Variants in ZIC4 observed in about 807,000 individuals in gnomAD.
The protein encoded by ZIC4 is zinc finger protein ZIC 4.
A neutral mutation model predicts 28.8 loss-of-function variants in ZIC4; 15 were observed. The observed-to-expected ratio is 0.52, with a 90% CI of 0.35 to 0.80. ZIC4 has a LOEUF of 0.80. Among genes scored for constraint, ZIC4 ranks in the 30% least tolerant of loss-of-function variants. The pLI is 0.01. For synonymous variants in ZIC4, 220 were observed against 198.1 expected, an observed-to-expected ratio of 1.11 and a Z score of -0.93; for missense variants, 512 against 467.1, an observed-to-expected ratio of 1.10 and a Z score of -0.89.
intron 3 of ZIC4, chr3:147,391,734 C>T (rs924785124): frequency 1.3e-5 from 2 of 152,832 alleles, no homozygotes; most frequent in African/African-American, 4.9e-5. Flanking sequence ...CACCCACCCC[C>T]ATCCTGGCCC....
Position 147,386,733 on chromosome 3 carries a change from C to T in ZIC4, c.*2126G>A, listed in dbSNP as rs2107955738. 6.6e-6 allele frequency: 1 copy of T among 152,344 alleles called. No individual in the cohort carries two copies. Among genetic ancestry groups the T allele is most frequent in the Admixed American group, 6.5e-5 (1 of 15,306 alleles). The allele number at this position is 152,344 out of a possible 1,614,324, so 9.4% of individuals were successfully genotyped here. A position where few individuals can be genotyped will look rare whatever the true frequency, so the allele number is the denominator to read the frequency against. On this transcript the variant is annotated 3_prime_UTR_variant, in exon 5 of 5. Transcript: ENST00000383075. ...GAAGGGAAGGATGGGCATTTACATG[C>T]ATTTTCGATCACTGTGTTGTAGACC...
chr3:147,392,790 T>C (rs2086954528), intron 3 of ZIC4: 1 of 152,130 alleles, frequency 6.6e-6, no homozygotes. Flanking sequence ...TGAGCCCGGG[T>C]CTCCGGCACC....
intron 1 of ZIC4, chr3:147,403,842 ATCTC>A (rs142316820): frequency 4.7e-4 from 425 of 907,498 alleles, no homozygotes; most frequent in Middle Eastern, 6.6e-4. Flanking sequence ...ATGCACAAAG[ATCTC>A]TCTCTCTCTC....
Position 147,386,506 on chromosome 3 carries a change from C to T in ZIC4, c.*2353G>A, listed in dbSNP as rs1220544634. ...CAATATCAGGAAGAACATTTTGCAG[C>T]AACTATAATAACAGCATGGGTTACA... On this transcript the variant is annotated 3_prime_UTR_variant, in exon 5 of 5. Transcript: ENST00000383075. The T allele has an allele frequency of 6.6e-6, 1 of 152,608 alleles. No homozygotes were observed. The highest frequency in any genetic ancestry group is 1.5e-5 in the Non-Finnish European group (1 of 68,028). 9.5% of individuals were successfully genotyped at this position (152,608 alleles called of 1,614,324 possible). A position where few individuals can be genotyped will look rare whatever the true frequency, so the allele number is the denominator to read the frequency against.
chr3:147,391,533 G>C (rs1467879715), intron 3 of ZIC4: 3 of 326,778 alleles, frequency 9.2e-6, no homozygotes, highest in Non-Finnish European at 1.1e-5. Flanking sequence ...TTCCATCCTC[G>C]AAAATCCTGA....
chr3:147,402,489 A>G (rs1420496182), intron 2 of ZIC4, among the ~76,000 whole-genome samples: 1 of 152,192 alleles, frequency 6.6e-6, no homozygotes, highest in Non-Finnish European at 1.5e-5. Flanking sequence ...GAACGTCCAG[A>G]TGAGTAGGCA....
chr3:147,391,386 G>A lies in ZIC4; in HGVS notation c.689-140C>T. ...GAAATCCCTTTCCACGGCGCCTCAG[G>A]TCGAGCACCCCTTTCCCTCGTGCAG... On this transcript the variant is annotated intron_variant, in intron 3 of 4. Transcript: ENST00000383075. 5 of 1,131,448 alleles carry A rather than the reference G, an allele frequency of 4.4e-6. No individual in the cohort carries two copies. The South Asian group carries it at 8.3e-5, about 19-fold the overall frequency. 70.1% of individuals were successfully genotyped at this position (1,131,448 alleles called of 1,614,324 possible). A position where few individuals can be genotyped will look rare whatever the true frequency, so the allele number is the denominator to read the frequency against.
chr3:147,392,117 C>A, intron 3 of ZIC4: 1 of 985,640 alleles, frequency 1.0e-6, no homozygotes, highest in Non-Finnish European at 1.2e-6. Context: ...CCCAGACCAC[C>A]CCCACCTGGC....
At chr3:147,397,925 C>G (rs766031566) in intron 2 of ZIC4, among the ~76,000 whole-genome samples, 4 of 152,122 alleles carry the variant, frequency 2.6e-5, no homozygotes, top group African/African-American at 9.7e-5. Flanking sequence ...TCTATACTCT[C>G]TTCCCATTTA....
In ZIC4 at chr3:147,402,649, T is replaced by A. The variant is rs1394355941; in HGVS notation, c.70+79A>T. Reference sequence around the variant, plus strand: ...ACATAAACAAAAGACAAAACAAAACTTCCTACTTAAAAAAAAAAAAGAAGA... The same window carrying A: ...ACATAAACAAAAGACAAAACAAAACATCCTACTTAAAAAAAAAAAAGAAGA... On this transcript the variant is annotated intron_variant, in intron 2 of 4. Transcript: ENST00000383075. 16 of 1,338,112 alleles carry A rather than the reference T, an allele frequency of 1.2e-5. No individual in the cohort carries two copies. In the East Asian group the frequency reaches 3.3e-4, roughly 27 times the overall value. The allele number at this position is 1,338,112 out of a possible 1,614,324, so 82.9% of individuals were successfully genotyped here.
At position 147,386,864 on chromosome 3, in the gene ZIC4, G is replaced by C. The variant is rs1339210867; in HGVS notation, c.*1995C>G. The stretch of plus-strand genomic sequence containing the variant: ...TTCTTATTAACGGCAGAAAGGGCTT[G>C]TTGATTGCTGCTAGTGAGAAGAAAC... On this transcript the variant is annotated 3_prime_UTR_variant, in exon 5 of 5. Transcript: ENST00000383075. The C allele has an allele frequency of 6.6e-6, 1 of 152,240 alleles. No homozygotes were observed. The highest frequency in any genetic ancestry group is 1.5e-5 in the Non-Finnish European group (1 of 68,038). The allele number at this position is 152,240 out of a possible 1,614,324, so 9.4% of individuals were successfully genotyped here.
At chr3:147,402,657 T>TA (rs878857182) in intron 2 of ZIC4, 71 bp downstream of exon 2, 71,617 of 1,060,684 alleles carry the variant, frequency 0.068, 4 homozygotes, top group East Asian at 0.088. Context: ...ACTTCCTACT[T>TA]AAAAAAAAAA....
At chr3:147,399,663 A>AT (rs34229132) in intron 2 of ZIC4, among the ~76,000 whole-genome samples, 8,677 of 127,978 alleles carry the variant, frequency 0.068, 400 homozygotes, top group Non-Finnish European at 0.087. Context: ...AAAAACACGG[A>AT]TTTTTTTTTT....
rs539652291 is a variant in ZIC4, at chr3:147,389,964, G to A, written c.1004+967C>T. Among the ~76,000 whole-genome samples the A allele has an allele frequency of 2.0e-5, 3 of 152,260 alleles. No individual in the cohort carries two copies. The South Asian group carries it at 6.2e-4, about 32-fold the overall frequency. On this transcript the variant is annotated intron_variant, in intron 4 of 4. Transcript: ENST00000383075. ...GCACCTACAAGACTACACAGGCAACGCCTCTACAGGGGTTGGGGTGGGAAA... is the reference window on the plus strand; with the variant it reads ...GCACCTACAAGACTACACAGGCAACACCTCTACAGGGGTTGGGGTGGGAAA...
rs1229583386 is a variant in ZIC4, at chr3:147,386,972, A to G, written c.*1887T>C. 2 of 152,208 alleles carry G rather than the reference A, an allele frequency of 1.3e-5. No individual in the cohort carries two copies. Among genetic ancestry groups the G allele is most frequent in the African/African-American group, 4.8e-5 (2 of 41,460 alleles). The allele number at this position is 152,208 out of a possible 1,614,324, so 9.4% of individuals were successfully genotyped here. A position where few individuals can be genotyped will look rare whatever the true frequency, so the allele number is the denominator to read the frequency against. On this transcript the variant is annotated 3_prime_UTR_variant, in exon 5 of 5. Transcript: ENST00000383075. The stretch of plus-strand genomic sequence containing the variant: ...TTGCTTGGCTGCATTCTTAAGTTCC[A>G]AGGATCCTGGGCAAGAATATTAGGA...
At chr3:147,395,767 C>G in intron 3 of ZIC4, 85 bp downstream of exon 3, 1 of 1,525,136 alleles carries the variant, frequency 6.6e-7, no homozygotes, top group Non-Finnish European at 8.8e-7. Flanking sequence ...TTCCCCCTCC[C>G]CTCAGTTGGG....
Position 147,388,900 on chromosome 3 carries a change from G to A in ZIC4, c.*-41C>T, listed in dbSNP as rs767006976. ...GAAAAATTAAAGGCGATTAGTGGCC[G>A]ACCAAACATTTTGTTTTATTTCATT... is the stretch of plus-strand genomic sequence containing the variant. On this transcript the variant is annotated intron_variant, in intron 4 of 4. Transcript: ENST00000383075. The A allele has an allele frequency of 7.7e-6, 6 of 778,104 alleles. No individual in the cohort carries two copies. In the Admixed American group the frequency reaches 8.6e-5, roughly 11 times the overall value. The allele number at this position is 778,104 out of a possible 1,614,324, so 48.2% of individuals were successfully genotyped here. A position where few individuals can be genotyped will look rare whatever the true frequency, so the allele number is the denominator to read the frequency against.
At chr3:147,400,052 G>T (rs139622702) in intron 2 of ZIC4, among the ~76,000 whole-genome samples, 168 of 152,294 alleles carry the variant, frequency 1.1e-3, no homozygotes, top group South Asian at 3.5e-3. Flanking sequence ...GGGGTTTTTA[G>T]TTGTTTCAGG....
rs1023587652 is a variant in ZIC4, at chr3:147,386,459, A to G, written c.*2400T>C. The G allele has an allele frequency of 7.2e-5, 11 of 152,786 alleles. No individual in the cohort carries two copies. The highest frequency in any genetic ancestry group is 2.4e-4 in the African/African-American group (10 of 41,572). The allele number at this position is 152,786 out of a possible 1,614,324, so 9.5% of individuals were successfully genotyped here. On this transcript the variant is annotated 3_prime_UTR_variant, in exon 5 of 5. Coordinates refer to ENST00000383075, the MANE Select transcript of ZIC4 (RefSeq NM_032153.6). ...TAGCAATATAAACAAACATATGGAG[A>G]CCTTCAGTTAACAAATAAAATCAAT...
Sources: gnomAD v4.1 joint callset for allele counts (sites outside exome capture counted in the v4.1 genomes callset) on GRCh38, gnomAD v4.1.1 for gene constraint, MANE v1.5 for transcripts, NCBI Gene and HGNC (gene_info 2026-07-23, HGNC 2026-07-21) for gene names.